LIFR: variants seen among roughly 807,000 people sequenced by gnomAD.
LIFR encodes the protein leukemia inhibitory factor receptor.
A neutral mutation model predicts 122.2 loss-of-function variants in LIFR; 84 were observed. The ratio of observed to expected loss-of-function variants is 0.69; its 90% confidence interval spans 0.58 to 0.82. The LOEUF is 0.82. LIFR is among the 40% of genes least tolerant of loss of function. The pLI is 0.00. For missense variants in LIFR, 1,294 were observed against 1,311.6 expected, an observed-to-expected ratio of 0.99 and a Z score of 0.21; for synonymous variants, 422 against 434.7, an observed-to-expected ratio of 0.97 and a Z score of 0.36.
At position 38,502,683 on chromosome 5, in the gene LIFR, T is replaced by G; in HGVS notation, c.1554A>C (p.Lys518Asn). The change falls in exon 11 of 20, where the codon AAA (lysine) becomes AAC (asparagine). Residue 518 changes from lysine (K) to asparagine (N), a missense_variant. Transcript: ENST00000453190. ...RIRCSTETFW[K>N]WSKWSNKKQH... is the part of the protein sequence containing the mutation. ...GTTTTTTATTGCTCCATTTGCTCCA[T>G]TTCCAGAAAGTTTCAGTAGAACAAC... 6.2e-7 allele frequency: 1 copy of G among 1,613,798 alleles called. No homozygotes were observed.
At chr5:38,603,197 C>G (rs1236399100) in intron 2 of LIFR, among the ~76,000 whole-genome samples, 3 of 152,148 alleles carry the variant, frequency 2.0e-5, no homozygotes, top group African/African-American at 7.2e-5. Context: ...TCCTTTCTTT[C>G]CTCTTCTAAA....
rs10637374 is a variant in LIFR at position 38,528,849 on chromosome 5, GAC to G, written c.143-11_143-10del. The G allele has an allele frequency of 0.3, 264,410 of 871,308 alleles. 10,869 individuals carry two copies. Among genetic ancestry groups the G allele is most frequent in the Middle Eastern group, 0.35 (1,335 of 3,784 alleles). The allele number at this position is 871,308 out of a possible 1,614,324, so 54.0% of individuals were successfully genotyped here. On this transcript the variant is annotated splice_polypyrimidine_tract_variant and intron_variant, in intron 2 of 19. Transcript: ENST00000453190. ...CAAATCATGAGGAGCCCCTGGAGGA[GAC>G]ACACACACACACACACACACACACA... is the stretch of plus-strand genomic sequence containing the variant.
At position 38,528,841 on chromosome 5, in the gene LIFR, C is replaced by A. The variant is rs2112564806; in HGVS notation, c.143-1G>T. 1.4e-6 allele frequency: 2 copies of A among 1,459,432 alleles called. No homozygotes were observed. Among genetic ancestry groups the A allele is most frequent in the Non-Finnish European group, 1.9e-6 (2 of 1,066,196 alleles). The allele number at this position is 1,459,432 out of a possible 1,614,324, so 90.4% of individuals were successfully genotyped here. A position where few individuals can be genotyped will look rare whatever the true frequency, so the allele number is the denominator to read the frequency against. ...ACACACTTCAAATCATGAGGAGCCCCTGGAGGAGACACACACACACACACA... is the reference window on the plus strand; with the variant it reads ...ACACACTTCAAATCATGAGGAGCCCATGGAGGAGACACACACACACACACA... On this transcript the variant is annotated splice_acceptor_variant, in intron 2 of 19. Transcript: ENST00000453190. LOFTEE classifies it high-confidence loss of function.
At chr5:38,603,390 G>A (rs1002206133) in intron 2 of LIFR, among the ~76,000 whole-genome samples, 4 of 152,134 alleles carry the variant, frequency 2.6e-5, no homozygotes, top group Admixed American at 1.3e-4. Context: ...TATTTTAAAA[G>A]GTATTCTTGA....
chr5:38,526,716 C>T (rs1746707580), intron 4 of LIFR, among the ~76,000 whole-genome samples: 1 of 152,050 alleles, frequency 6.6e-6, no homozygotes, highest in Admixed American at 6.6e-5. Flanking sequence ...ATGATCAGGA[C>T]CATTATTATT....
chr5:38,544,901 A>C (rs990549580), intron 1 of LIFR, among the ~76,000 whole-genome samples: 4 of 152,212 alleles, frequency 2.6e-5, no homozygotes, highest in Non-Finnish European at 4.4e-5. Flanking sequence ...TTGTTAAGTA[A>C]ACTGAATAAT....
upstream of LIFR, among the ~76,000 whole-genome samples, chr5:38,596,893 C>A (rs187325701): frequency 1.5e-3 from 222 of 147,036 alleles, 1 homozygote; most frequent in African/African-American, 5.3e-3. Context: ...CTTTGCTTGC[C>A]ATAAGAAATG....
intron 1 of LIFR, among the ~76,000 whole-genome samples, chr5:38,551,643 C>T (rs1748206748): frequency 6.6e-6 from 1 of 152,168 alleles, no homozygotes; most frequent in African/African-American, 2.4e-5. Flanking sequence ...AAGGATACTG[C>T]CGCTTAGTAA....
At chr5:38,530,238 T>C (rs556563216) in intron 2 of LIFR, among the ~76,000 whole-genome samples, 31 of 152,292 alleles carry the variant, frequency 2.0e-4, no homozygotes, top group African/African-American at 7.0e-4. Context: ...ACTACATTCA[T>C]TGTCAAAACT....
At chr5:38,520,532 T>C (rs1349087864) in intron 5 of LIFR, among the ~76,000 whole-genome samples, 2 of 152,212 alleles carry the variant, frequency 1.3e-5, no homozygotes, top group African/African-American at 2.4e-5. Flanking sequence ...CCTGGACCAA[T>C]GTCCTATAGT....
chr5:38,509,959 T>C (rs1383674452), intron 7 of LIFR, among the ~76,000 whole-genome samples: 5 of 152,168 alleles, frequency 3.3e-5, no homozygotes, highest in African/African-American at 4.8e-5. Context: ...TGGGAGAGTA[T>C]GTTTCCCCTC....
At chr5:38,507,617 T>C (rs1745564384) in intron 7 of LIFR, among the ~76,000 whole-genome samples, 4 of 152,058 alleles carry the variant, frequency 2.6e-5, no homozygotes, top group Admixed American at 2.6e-4. Context: ...TGACACTGCT[T>C]ATTGTAGAAA....
At chr5:38,606,129 GT>G (rs1454190282) in intron 2 of LIFR, 2 of 152,234 alleles carry the variant, frequency 1.3e-5, no homozygotes, top group Non-Finnish European at 2.9e-5. Flanking sequence ...TGGATAATGT[GT>G]GAGGCCGTTC....
chr5:38,551,825 CAT>C (rs763754831), intron 1 of LIFR, among the ~76,000 whole-genome samples: 43 of 152,340 alleles, frequency 2.8e-4, no homozygotes, highest in Non-Finnish European at 6.0e-4. Context: ...CTCCCAAACA[CAT>C]ATCTTTGCTC....
intron 1 of LIFR, among the ~76,000 whole-genome samples, chr5:38,562,028 C>G (rs1748856457): frequency 6.6e-6 from 1 of 152,208 alleles, no homozygotes; most frequent in Non-Finnish European, 1.5e-5. Context: ...AGCCAAAAGC[C>G]TAGTGTTGGG....
Position 38,552,920 on chromosome 5 carries a change from G to T in LIFR, c.-20+3414C>A, listed in dbSNP as rs190618371. Among the ~76,000 whole-genome samples the T allele has an allele frequency of 4.6e-5, 7 of 152,288 alleles. No individual in the cohort carries two copies. In the East Asian group the frequency reaches 1.4e-3, roughly 29 times the overall value. On this transcript the variant is annotated intron_variant, in intron 1 of 19. Transcript: ENST00000453190. ...CACTATGTGATGAAGGTGGTTCCTG[G>T]TGCTGCAAATGCAATGGGTAACAAG...
intron 1 of LIFR, among the ~76,000 whole-genome samples, chr5:38,575,359 C>T (rs1749350044): frequency 1.3e-5 from 2 of 152,122 alleles, no homozygotes; most frequent in South Asian, 4.1e-4. Context: ...CCAATATATA[C>T]ATTTATGATA....
chr5:38,582,946 T>C (rs1749635874), intron 1 of LIFR, among the ~76,000 whole-genome samples: 1 of 152,238 alleles, frequency 6.6e-6, no homozygotes, highest in Admixed American at 6.5e-5. Flanking sequence ...CCAACAGAGT[T>C]AAATCCGGTC....
At chr5:38,580,565 C>A (rs1281821889) in intron 1 of LIFR, among the ~76,000 whole-genome samples, 1 of 152,172 alleles carries the variant, frequency 6.6e-6, no homozygotes, top group African/African-American at 2.4e-5. Context: ...TCTGCCCCAC[C>A]TAGATCTGTC....
Sources: gnomAD v4.1 joint callset for allele counts (sites outside exome capture counted in the v4.1 genomes callset) on GRCh38, gnomAD v4.1.1 for gene constraint, MANE v1.5 for transcripts, NCBI Gene and HGNC (gene_info 2026-07-23, HGNC 2026-07-21) for gene names.